CLCC1: variants seen among roughly 807,000 people sequenced by gnomAD.
CLCC1 encodes the protein chloride channel CLIC like 1.
A neutral mutation model predicts 63.3 loss-of-function variants in CLCC1; 39 were observed. The observed-to-expected ratio is 0.62, with a 90% confidence interval of 0.48 to 0.81. The LOEUF (loss-of-function observed/expected upper bound fraction) is 0.81. Ranked by LOEUF, CLCC1 falls within the 30% of genes least tolerant of loss-of-function variation. CLCC1 has a pLI of 0.00. For missense variants in CLCC1, 549 were observed against 669.4 expected (o/e 0.82, Z 1.98); for synonymous variants, 217 against 239.8 (o/e 0.90, Z 0.88).
In CLCC1 at chr1:108,944,853, T is replaced by C. The variant is rs1654337728; in HGVS notation, c.340-796A>G. ...ACCGCATTAGCCAGGATGGTCTCGA[T>C]CTCCTGACCTCATGATCCGCCCGCC... On this transcript the variant is annotated intron_variant, in intron 5 of 12. Coordinates refer to ENST00000369969, the MANE Select transcript of CLCC1 (RefSeq NM_001377458.1). 3.9e-5 allele frequency among the ~76,000 whole-genome samples: 6 copies of C among 152,222 alleles called. No homozygotes were observed. The South Asian group carries it at 1.2e-3, about 32-fold the overall frequency.
At position 108,937,313 on chromosome 1, in the gene CLCC1, C is replaced by A; in HGVS notation, c.1147G>T (p.Glu383Ter). ...ALRPRDRRRQ[E>*]EIDYRPDGGA... ...CCATCAGGTCTATAATCAATTTCCT[C>A]CTGCCGTCTTCTATCCCGTGGCCGA... The change falls in exon 11 of 13, where the codon GAG (glutamate) becomes TAG (stop). Residue 383 changes from glutamate to a stop codon, truncating the protein, a stop_gained. Transcript: ENST00000369969. LOFTEE classifies it high-confidence loss of function. 1 of 1,614,216 alleles carries A rather than the reference C, an allele frequency of 6.2e-7. No homozygotes were observed. The highest frequency in any genetic ancestry group is 8.5e-7 in the Non-Finnish European group (1 of 1,180,042).
intron 7 of CLCC1, 52 bp from the exon 8 acceptor site, chr1:108,941,550 GC>G (rs1302895885): frequency 2.2e-6 from 3 of 1,378,274 alleles, no homozygotes; most frequent in Admixed American, 1.8e-5. Flanking sequence ...TGAAGGTTAG[GC>G]CTACACATCC....
intron 2 of CLCC1, among the ~76,000 whole-genome samples, chr1:108,962,007 A>G (rs2811588): frequency 0.99 from 150,716 of 152,332 alleles, 74,578 homozygotes; most frequent in Middle Eastern, 1. Context: ...AAGACCACCA[A>G]GCTAGTAAGT....
In CLCC1 at chr1:108,932,414, AGTCTTTCCTGAATTGCT is replaced by A. The variant is rs1652151635; in HGVS notation, c.*116_*132del. 1 of 152,224 alleles carries A rather than the reference AGTCTTTCCTGAATTGCT, an allele frequency of 6.6e-6. No homozygotes were observed. Among genetic ancestry groups the A allele is most frequent in the Admixed American group, 6.5e-5 (1 of 15,288 alleles). The allele number at this position is 152,224 out of a possible 1,614,324, so 9.4% of individuals were successfully genotyped here. ...TGTGTTCAATTTGCTTTCATATTTA[AGTCTTTCCTGAATTGCT>A]GTCATCATTCAACAACAGTTGCATG... On this transcript the variant is annotated 3_prime_UTR_variant, in exon 13 of 13. Coordinates refer to ENST00000369969, the MANE Select transcript of CLCC1 (RefSeq NM_001377458.1).
At position 108,956,469 on chromosome 1, in the gene CLCC1, G is replaced by A. The variant is rs930251891; in HGVS notation, c.-12+5840C>T. On this transcript the variant is annotated intron_variant, in intron 2 of 12. Transcript: ENST00000369969. ...AAGGTCAGGAGATCGAGACCATCCC[G>A]GCTAACACAGTGAAACCCCGTCTCT... Among the ~76,000 whole-genome samples the A allele has an allele frequency of 7.7e-4, 116 of 151,200 alleles. 5 individuals carry two copies. Among genetic ancestry groups the A allele is most frequent in the African/African-American group, 2.3e-3 (94 of 40,602 alleles).
chr1:108,963,224 G>C, intron 1 of CLCC1, 137 bp downstream of exon 1: 1 of 580,866 alleles, frequency 1.7e-6, no homozygotes, highest in South Asian at 2.0e-5. Flanking sequence ...GACGCACGCA[G>C]CTAGCACGGT....
intron 7 of CLCC1, among the ~76,000 whole-genome samples, chr1:108,943,067 G>A (rs1440805081): frequency 6.6e-6 from 1 of 152,000 alleles, no homozygotes; most frequent in Non-Finnish European, 1.5e-5. Context: ...ACGTCACCAG[G>A]CCCAGCTAAT....
rs184246327 is a variant in CLCC1, at chr1:108,951,465, A to G, written c.-11-1017T>C. Among the ~76,000 whole-genome samples, 11 of 152,354 alleles carry G rather than the reference A, an allele frequency of 7.2e-5. No homozygotes were observed. In the East Asian group the frequency reaches 2.1e-3, roughly 29 times the overall value. ...CCATGCAATGGAATATTATTCAGCC[A>G]TAAAAAGGGATGAAATACTGACACC... is the stretch of plus-strand genomic sequence containing the variant. On this transcript the variant is annotated intron_variant, in intron 2 of 12. Transcript: ENST00000369969.
chr1:108,937,019 C>T lies in CLCC1; in HGVS notation c.1383+58G>A, dbSNP rs1653119217. On this transcript the variant is annotated intron_variant, in intron 11 of 12. Transcript: ENST00000369969. ...AGAGTAAAAACAATCAGACCTCTTC[C>T]AGAAGGATTTAGAACCAGTAATGAA... The T allele has an allele frequency of 2.4e-6, 3 of 1,253,594 alleles. 1 individual carries two copies. In the Admixed American group the frequency reaches 8.4e-5, roughly 35 times the overall value. 77.7% of individuals were successfully genotyped at this position (1,253,594 alleles called of 1,614,324 possible). A position where few individuals can be genotyped will look rare whatever the true frequency, so the allele number is the denominator to read the frequency against.
intron 5 of CLCC1, among the ~76,000 whole-genome samples, chr1:108,944,844 T>G (rs570846946): frequency 4.7e-4 from 72 of 152,280 alleles, no homozygotes; most frequent in African/African-American, 1.7e-3. Context: ...TTAGCCAGGA[T>G]GGTCTCGATC....
At chr1:108,961,474 C>G (rs138263636) in intron 2 of CLCC1, among the ~76,000 whole-genome samples, 1,706 of 152,314 alleles carry the variant, frequency 0.011, 21 homozygotes, top group Non-Finnish European at 0.018. Context: ...GGGGACACTA[C>G]TCTTTCTCTC....
At chr1:108,944,918 T>C (rs538936792) in intron 5 of CLCC1, among the ~76,000 whole-genome samples, 101 of 152,318 alleles carry the variant, frequency 6.6e-4, no homozygotes, top group South Asian at 2.3e-3. Flanking sequence ...CGTGAGCCAC[T>C]GCACCCGGCC....
chr1:108,958,203 A>G (rs1490882678), intron 2 of CLCC1, among the ~76,000 whole-genome samples: 1 of 151,558 alleles, frequency 6.6e-6, no homozygotes, highest in African/African-American at 2.5e-5. Flanking sequence ...CAGTAACTCT[A>G]CAGTGGTAAC....
At chr1:108,948,939 A>G (rs919892884) in intron 4 of CLCC1, among the ~76,000 whole-genome samples, 2 of 152,168 alleles carry the variant, frequency 1.3e-5, no homozygotes, top group African/African-American at 4.8e-5. Flanking sequence ...GTACTTAATA[A>G]GAATCACAAG....
At position 108,930,088 on chromosome 1, in the gene CLCC1, G is replaced by A. The variant is rs183637148; in HGVS notation, c.*2459C>T. 35 of 750,866 alleles carry A rather than the reference G, an allele frequency of 4.7e-5. No homozygotes were observed. The Admixed American group carries it at 9.2e-4, about 20-fold the overall frequency. The allele number at this position is 750,866 out of a possible 1,614,324, so 46.5% of individuals were successfully genotyped here. Reference sequence around the variant, plus strand: ...TAGTTAACCTTCAGTAGTCTATTAAGGCATTAATACTTCTCTGGACATGCG... The same window carrying A: ...TAGTTAACCTTCAGTAGTCTATTAAAGCATTAATACTTCTCTGGACATGCG... On this transcript the variant is annotated 3_prime_UTR_variant, in exon 13 of 13. Coordinates refer to ENST00000369969, the MANE Select transcript of CLCC1 (RefSeq NM_001377458.1).
chr1:108,960,772 G>A (rs1333976115), intron 2 of CLCC1, among the ~76,000 whole-genome samples: 12 of 152,220 alleles, frequency 7.9e-5, no homozygotes, highest in African/African-American at 2.4e-5. Flanking sequence ...TGGGGGAAAC[G>A]GAGATTTGGA....
intron 5 of CLCC1, 136 bp from the exon 6 acceptor site, chr1:108,944,193 G>C (rs1654226642): frequency 1.5e-6 from 1 of 678,958 alleles, no homozygotes; most frequent in Non-Finnish European, 2.4e-6. Context: ...TAATAGCCTG[G>C]GCAAGGTAGC....
At chr1:108,943,182 A>G (rs1654069175) in intron 7 of CLCC1, among the ~76,000 whole-genome samples, 1 of 152,184 alleles carries the variant, frequency 6.6e-6, no homozygotes, top group Non-Finnish European at 1.5e-5. Flanking sequence ...TGCTGGGATT[A>G]CAGGCATGAG....
Position 108,943,477 on chromosome 1 carries a change from T to C in CLCC1, c.700A>G (p.Lys234Glu), listed in dbSNP as rs1429996798. Residue 234 changes from lysine to glutamate, a missense_variant and splice_region_variant, in exon 7 of 13, where the codon AAG becomes GAG. Transcript: ENST00000369969. ...SLGWNWMYLY[K>E]LAFAQHQAEV... ...AAAACCCTCCATCCATATAATACCT[T>C]ATATAAATACATCCAATTCCATCCC... 6.2e-7 allele frequency: 1 copy of C among 1,613,294 alleles called. No individual in the cohort carries two copies. Among genetic ancestry groups the C allele is most frequent in the Non-Finnish European group, 8.5e-7 (1 of 1,179,572 alleles).
Sources: allele counts gnomAD v4.1 joint callset (sites outside exome capture counted in the v4.1 genomes callset), GRCh38; gene constraint gnomAD v4.1.1; transcripts MANE v1.5; gene names NCBI Gene and HGNC (gene_info 2026-07-23, HGNC 2026-07-21).